CACNA1C: variants seen among roughly 807,000 people sequenced by gnomAD.
CACNA1C encodes the protein calcium voltage-gated channel subunit alpha1 C, also known as voltage-dependent L-type calcium channel subunit alpha-1C.
CACNA1C carries 30 observed loss-of-function variants against 229.0 expected under a neutral mutation model. The ratio of observed to expected loss-of-function variants is 0.13; its 90% CI spans 0.10 to 0.18. CACNA1C has a LOEUF of 0.18. Ranked by LOEUF, CACNA1C falls within the 10% of genes least tolerant of loss-of-function variation. The pLI is 1.00. For missense variants in CACNA1C, 1,658 were observed against 2,845.0 expected (o/e 0.58, Z 9.49); for synonymous variants, 1,114 against 1,132.5 (o/e 0.98, Z 0.33).
chr12:2,359,598 C>A (rs1310845318), intron 3 of CACNA1C, among the ~76,000 whole-genome samples: 1 of 149,318 alleles, frequency 6.7e-6, no homozygotes, highest in African/African-American at 2.5e-5. Context: ...GAATTAGGAA[C>A]AAAGACAACT....
At chr12:2,681,805 TG>T in intron 42 of CACNA1C, 1 of 609,606 alleles carries the variant, frequency 1.6e-6, no homozygotes, top group Non-Finnish European at 3.0e-6. Flanking sequence ...CTTTCTCTGA[TG>T]CCCTCAGGGG....
chr12:2,042,902 A>T (rs141661308), intron 1 of CACNA1C, among the ~76,000 whole-genome samples: 21 of 152,358 alleles, frequency 1.4e-4, no homozygotes, highest in Admixed American at 1.3e-3. Flanking sequence ...ATTCATCCAC[A>T]TAAGAATAGT....
At chr12:2,686,415 G>A in intron 45 of CACNA1C, 146 bp downstream of exon 45, 1 of 750,248 alleles carries the variant, frequency 1.3e-6, no homozygotes, top group African/African-American at 1.7e-5. Context: ...AGCCATCCCT[G>A]TAGGGCTTCA....
chr12:2,179,951 A>T (rs1418309506), intron 3 of CACNA1C, among the ~76,000 whole-genome samples: 3 of 152,204 alleles, frequency 2.0e-5, no homozygotes, highest in African/African-American at 7.2e-5. Context: ...TTCATCTGAC[A>T]GGTGAAAATC....
In CACNA1C at chr12:2,581,647, C is replaced by T. The variant is rs762656408; in HGVS notation, c.1953C>T (p.Ile651=). The stretch of plus-strand genomic sequence containing the variant: ...CCTTGCTGAACTCTGTGCGCTCCAT[C>T]GCCTCCCTGCTCCTTCTCCTCTTCC... ...VASLLNSVRS[I]ASLLLLLFLF... The change falls in exon 14 of 47, where the codon ATC becomes ATT. Residue 651 remains isoleucine, a synonymous_variant. Coordinates refer to ENST00000399655, the MANE Select transcript of CACNA1C (RefSeq NM_000719.7). The T allele has an allele frequency of 1.4e-4, 224 of 1,599,686 alleles. No homozygotes were observed. Among genetic ancestry groups the T allele is most frequent in the South Asian group, 2.5e-4 (22 of 88,286 alleles).
At chr12:2,611,440 T>C (rs1179291681) in intron 28 of CACNA1C, among the ~76,000 whole-genome samples, 17 of 99,506 alleles carry the variant, frequency 1.7e-4, no homozygotes, top group Non-Finnish European at 2.3e-4. Context: ...GGGGAGGAGA[T>C]GGAGAAGGGA....
At chr12:2,465,233 A>G (rs7970062) in intron 5 of CACNA1C, among the ~76,000 whole-genome samples, 1,820 of 152,350 alleles carry the variant, frequency 0.012, 44 homozygotes, top group African/African-American at 0.042. Context: ...GAGACAACAA[A>G]TATACTTTAA....
chr12:2,201,314 C>T (rs1380315255), intron 3 of CACNA1C, among the ~76,000 whole-genome samples: 2 of 152,188 alleles, frequency 1.3e-5, no homozygotes, highest in Non-Finnish European at 1.5e-5. Context: ...CTTTAATTTC[C>T]TCAATAATAG....
At chr12:2,538,482 T>C (rs2099861174) in intron 9 of CACNA1C, among the ~76,000 whole-genome samples, 1 of 152,200 alleles carries the variant, frequency 6.6e-6, no homozygotes, top group Non-Finnish European at 1.5e-5. Context: ...TCTTTCCTCT[T>C]ATTCTACAAC....
intron 3 of CACNA1C, among the ~76,000 whole-genome samples, chr12:2,442,131 T>C (rs2099234523): frequency 6.6e-6 from 1 of 152,180 alleles, no homozygotes; most frequent in Admixed American, 6.5e-5. Context: ...AGACTCATCA[T>C]TATTATTCTC....
At chr12:2,064,893 C>G (rs1472774937) in intron 1 of CACNA1C, among the ~76,000 whole-genome samples, 1 of 152,210 alleles carries the variant, frequency 6.6e-6, no homozygotes, top group Non-Finnish European at 1.5e-5. Context: ...ATTGATGCCT[C>G]AGCTGAACCC....
chr12:2,298,933 C>T (rs766057206), intron 3 of CACNA1C, among the ~76,000 whole-genome samples: 1 of 152,220 alleles, frequency 6.6e-6, no homozygotes, highest in East Asian at 1.9e-4. Flanking sequence ...CTCCCACCTC[C>T]GGGGACTTCA....
chr12:2,251,979 G>A (rs2154386248), intron 3 of CACNA1C, among the ~76,000 whole-genome samples: 1 of 152,368 alleles, frequency 6.6e-6, no homozygotes, highest in East Asian at 1.9e-4. Context: ...GCAGGCTTAG[G>A]CAAAGTGGCT....
At position 2,191,243 on chromosome 12, in the gene CACNA1C, A is replaced by G. The variant is rs550672303; in HGVS notation, c.477+70813A>G. On this transcript the variant is annotated intron_variant, in intron 3 of 46. Coordinates refer to ENST00000399655, the MANE Select transcript of CACNA1C (RefSeq NM_000719.7). ...GCAGCAACCCAAGCAAGGAAGAGGA[A>G]AAGGCCTGGATGTGTCTTCAGATAG... 6.3e-4 allele frequency among the ~76,000 whole-genome samples: 96 copies of G among 152,240 alleles called. 1 individual carries two copies. The South Asian group carries it at 0.02, about 31-fold the overall frequency.
intron 3 of CACNA1C, among the ~76,000 whole-genome samples, chr12:2,157,931 G>T (rs1399702350): frequency 6.6e-6 from 1 of 152,106 alleles, no homozygotes; most frequent in Non-Finnish European, 1.5e-5. Context: ...TTAAAACATT[G>T]ATAATTAAGA....
rs1050944662 is a variant in CACNA1C at position 2,086,107 on chromosome 12, T to C, written c.50-29117T>C. Reference sequence around the variant, plus strand: ...ACTCTAAGTGTACCCATTGGAAAACTCATCACTACATGGTAGACTGTTTGT... The same window carrying C: ...ACTCTAAGTGTACCCATTGGAAAACCCATCACTACATGGTAGACTGTTTGT... On this transcript the variant is annotated intron_variant, in intron 1 of 46. Coordinates refer to ENST00000399655, the MANE Select transcript of CACNA1C (RefSeq NM_000719.7). Among the ~76,000 whole-genome samples, 6 of 152,154 alleles carry C rather than the reference T, an allele frequency of 3.9e-5. 1 individual carries two copies. Among genetic ancestry groups the C allele is most frequent in the Non-Finnish European group, 8.8e-5 (6 of 68,034 alleles).
intron 3 of CACNA1C, among the ~76,000 whole-genome samples, chr12:2,417,449 C>G (rs933130674): frequency 6.6e-6 from 1 of 152,104 alleles, no homozygotes; most frequent in Non-Finnish European, 1.5e-5. Flanking sequence ...CTTCCCTGGC[C>G]GCTGTTTACC....
intron 3 of CACNA1C, among the ~76,000 whole-genome samples, chr12:2,376,053 C>T (rs1024660016): frequency 1.1e-4 from 17 of 152,198 alleles, no homozygotes; most frequent in African/African-American, 3.9e-4. Flanking sequence ...TGGCTGGTGC[C>T]CAGCACAGGG....
intron 21 of CACNA1C, among the ~76,000 whole-genome samples, chr12:2,598,756 A>G (rs1169500427): frequency 6.6e-6 from 1 of 152,188 alleles, no homozygotes; most frequent in African/African-American, 2.4e-5. Context: ...CCAGATACAA[A>G]TTGAATGGGG....
Sources: gnomAD v4.1 joint callset for allele counts (sites outside exome capture counted in the v4.1 genomes callset) on GRCh38, gnomAD v4.1.1 for gene constraint, MANE v1.5 for transcripts, NCBI Gene and HGNC (gene_info 2026-07-23, HGNC 2026-07-21) for gene names.